MCTP2: variants seen among roughly 807,000 people sequenced by gnomAD.
MCTP2 encodes multiple C2 and transmembrane domain containing 2, also known as multiple C2 and transmembrane domain-containing protein 2.
In MCTP2, 132 loss-of-function variants were observed where a neutral mutation model predicts 111.6. That is an observed-to-expected ratio of 1.18 (90% CI 1.03 to 1.37). MCTP2 has a LOEUF of 1.37. Ranked by LOEUF, MCTP2 falls within the 40% of genes most tolerant of loss-of-function variation. The pLI is 0.00. For synonymous variants in MCTP2, 395 were observed against 387.7 expected, an observed-to-expected ratio of 1.02 and a Z score of -0.22; for missense variants, 1,183 against 1,067.9, an observed-to-expected ratio of 1.11 and a Z score of -1.50.
chr15:94,447,920 A>G (rs988423212), intron 19 of MCTP2, among the ~76,000 whole-genome samples: 1 of 152,232 alleles, frequency 6.6e-6, no homozygotes, highest in African/African-American at 2.4e-5. Flanking sequence ...TTTCAGGGGA[A>G]TAAAGTGCAT....
intron 1 of MCTP2, among the ~76,000 whole-genome samples, chr15:94,285,087 A>C (rs1445666544): frequency 6.6e-6 from 1 of 152,196 alleles, no homozygotes; most frequent in African/African-American, 2.4e-5. Context: ...CAGGGAAAAA[A>C]TAATAGTGGC....
At chr15:94,434,057 A>T (rs2083328161) in intron 17 of MCTP2, among the ~76,000 whole-genome samples, 1 of 152,108 alleles carries the variant, frequency 6.6e-6, no homozygotes, top group Non-Finnish European at 1.5e-5. Context: ...TTCCTTTCAA[A>T]GAGCAAAAGG....
chr15:94,279,580 C>T (rs573826935), intron 1 of MCTP2, among the ~76,000 whole-genome samples: 1 of 152,088 alleles, frequency 6.6e-6, no homozygotes, highest in South Asian at 2.1e-4. Context: ...TTGACTTCCT[C>T]TCTTCCTATT....
At chr15:94,246,795 C>G (rs1022120904) in intron 1 of MCTP2, among the ~76,000 whole-genome samples, 36 of 152,200 alleles carry the variant, frequency 2.4e-4, no homozygotes, top group African/African-American at 8.2e-4. Flanking sequence ...TGCGCTGACA[C>G]TGGCATTGAT....
At chr15:94,384,229 A>T in intron 13 of MCTP2, 105 bp downstream of exon 13, 1 of 706,672 alleles carries the variant, frequency 1.4e-6, no homozygotes, top group Non-Finnish European at 2.4e-6. Context: ...AGTAAATTTT[A>T]TTGTTTTTTT....
intron 18 of MCTP2, among the ~76,000 whole-genome samples, chr15:94,441,788 T>C (rs191606920): frequency 1.9e-3 from 286 of 152,282 alleles, no homozygotes; most frequent in African/African-American, 6.6e-3. Flanking sequence ...CTTCTCCCAA[T>C]TATAGCGTTT....
At chr15:94,271,958 C>T (rs1029540840) in intron 1 of MCTP2, among the ~76,000 whole-genome samples, 1 of 152,190 alleles carries the variant, frequency 6.6e-6, no homozygotes, top group Non-Finnish European at 1.5e-5. Context: ...AATACCTTTG[C>T]CTCCTACTAT....
chr15:94,276,055 A>G lies in MCTP2; in HGVS notation c.-65-22146A>G, dbSNP rs185927877. Among the ~76,000 whole-genome samples, 214 of 152,158 alleles carry G rather than the reference A, an allele frequency of 1.4e-3. 4 individuals carry two copies. In the East Asian group the frequency reaches 0.035, roughly 25 times the overall value. Reference sequence around the variant, plus strand: ...GAGATGGGATTTCACCGTGTTAGCCAGGATGGTCTTGATCTCCTGACCTTG... The same window carrying G: ...GAGATGGGATTTCACCGTGTTAGCCGGGATGGTCTTGATCTCCTGACCTTG... On this transcript the variant is annotated intron_variant, in intron 1 of 22. Coordinates refer to ENST00000357742, the MANE Select transcript of MCTP2 (RefSeq NM_001385001.1).
chr15:94,355,081 G>A (rs1422721147), intron 8 of MCTP2, among the ~76,000 whole-genome samples: 1 of 152,200 alleles, frequency 6.6e-6, no homozygotes. Context: ...TGTGGATCAT[G>A]TGGGGATCCC....
Position 94,236,855 on chromosome 15 carries a change from G to A in MCTP2, c.-66+5191G>A, listed in dbSNP as rs148846852. 2.8e-4 allele frequency among the ~76,000 whole-genome samples: 43 copies of A among 152,262 alleles called. No homozygotes were observed. The East Asian group carries it at 8.1e-3, about 29-fold the overall frequency. ...TTATTGTAGATCAGGAGGGAGGTAG[G>A]TTATTGGGCTTGATTAAGGCCTTAG... is the stretch of plus-strand genomic sequence containing the variant. On this transcript the variant is annotated intron_variant, in intron 1 of 22. Coordinates refer to ENST00000357742, the MANE Select transcript of MCTP2 (RefSeq NM_001385001.1).
chr15:94,452,396 C>T (rs2084519324), intron 19 of MCTP2, among the ~76,000 whole-genome samples: 1 of 152,068 alleles, frequency 6.6e-6, no homozygotes, highest in African/African-American at 2.4e-5. Context: ...GACTGGAATC[C>T]TTAGGAAGAG....
At chr15:94,295,485 C>A (rs1451781217) in intron 1 of MCTP2, among the ~76,000 whole-genome samples, 2 of 152,074 alleles carry the variant, frequency 1.3e-5, no homozygotes, top group Non-Finnish European at 2.9e-5. Flanking sequence ...CCCACAGAAA[C>A]CACAGTGCTG....
chr15:94,462,606 G>A (rs1189773753), intron 20 of MCTP2, among the ~76,000 whole-genome samples: 1 of 152,160 alleles, frequency 6.6e-6, no homozygotes, highest in Non-Finnish European at 1.5e-5. Context: ...TTTTAAACAG[G>A]AATGTTCAGC....
intron 1 of MCTP2, among the ~76,000 whole-genome samples, chr15:94,244,988 C>T (rs1438506234): frequency 7.3e-6 from 1 of 136,896 alleles, no homozygotes; most frequent in Non-Finnish European, 1.6e-5. Flanking sequence ...ACATATGCAC[C>T]TGTTTATATA....
chr15:94,420,958 G>A (rs1425673709), intron 17 of MCTP2, among the ~76,000 whole-genome samples: 1 of 152,110 alleles, frequency 6.6e-6, no homozygotes, highest in African/African-American at 2.4e-5. Flanking sequence ...CTTCATTGCT[G>A]TCTTATTGTA....
At chr15:94,470,491 C>T (rs760134650) in intron 21 of MCTP2, 49 bp downstream of exon 21, 2 of 1,206,780 alleles carry the variant, frequency 1.7e-6, no homozygotes, top group South Asian at 1.2e-5. Flanking sequence ...AGGTAAGAAC[C>T]AATTACTCAT....
chr15:94,427,288 C>CA (rs1449507731), intron 17 of MCTP2, among the ~76,000 whole-genome samples: 5 of 152,208 alleles, frequency 3.3e-5, no homozygotes, highest in African/African-American at 1.2e-4. Context: ...AGTGAATTGA[C>CA]AAAAACAAGT....
chr15:94,398,672 C>G (rs2081399555), intron 14 of MCTP2, among the ~76,000 whole-genome samples: 1 of 152,088 alleles, frequency 6.6e-6, no homozygotes, highest in South Asian at 2.1e-4. Context: ...GTAGAATATT[C>G]ATCATTTTTG....
intron 8 of MCTP2, 154 bp from the exon 9 acceptor site, chr15:94,355,983 C>A: frequency 7.7e-7 from 1 of 1,307,026 alleles, no homozygotes; most frequent in Non-Finnish European, 9.7e-7. Flanking sequence ...ACTGTGACAG[C>A]AGGTTTGCAA....
Sources: gnomAD v4.1 joint callset for allele counts (sites outside exome capture counted in the v4.1 genomes callset) on GRCh38, gnomAD v4.1.1 for gene constraint, MANE v1.5 for transcripts, NCBI Gene and HGNC (gene_info 2026-07-23, HGNC 2026-07-21) for gene names.